RAB3C: variants seen among roughly 807,000 people sequenced by gnomAD.
RAB3C encodes ras-related protein Rab-3C.
RAB3C carries 17 observed loss-of-function variants against 26.4 expected under a neutral mutation model. That is an observed-to-expected ratio of 0.64 (90% CI 0.44 to 0.97). The LOEUF is 0.97. Ranked by LOEUF, RAB3C falls within the 50% of genes least tolerant of loss-of-function variation. The pLI is 0.00. For synonymous variants in RAB3C, 91 were observed against 95.9 expected, an observed-to-expected ratio of 0.95 and a Z score of 0.30; for missense variants, 242 against 281.9, an observed-to-expected ratio of 0.86 and a Z score of 1.01.
intron 1 of RAB3C, among the ~76,000 whole-genome samples, chr5:58,616,806 C>A (rs980118465): frequency 6.6e-5 from 10 of 152,108 alleles, no homozygotes; most frequent in African/African-American, 1.9e-4. Context: ...TCCTTTGATG[C>A]ATTTCACAAT....
At chr5:58,739,017 G>C (rs954489323) in intron 3 of RAB3C, among the ~76,000 whole-genome samples, 2 of 152,156 alleles carry the variant, frequency 1.3e-5, no homozygotes, top group Admixed American at 6.5e-5. Flanking sequence ...ATATTCAGCT[G>C]GGTTTTGGTG....
chr5:58,612,536 A>G (rs6859719), intron 1 of RAB3C, among the ~76,000 whole-genome samples: 6,308 of 95,772 alleles, frequency 0.066, 439 homozygotes, highest in African/African-American at 0.2. Flanking sequence ...ATATATATAT[A>G]TATATATATA....
chr5:58,655,998 C>T (rs1561280238), intron 2 of RAB3C, among the ~76,000 whole-genome samples: 1 of 151,858 alleles, frequency 6.6e-6, no homozygotes, highest in Admixed American at 6.6e-5. Context: ...GGGGTTTCAC[C>T]GTGGTCTCGA....
intron 2 of RAB3C, among the ~76,000 whole-genome samples, chr5:58,690,835 T>G (rs1748556654): frequency 6.6e-6 from 1 of 152,196 alleles, no homozygotes; most frequent in Non-Finnish European, 1.5e-5. Context: ...CATTAATATT[T>G]CTTATTACTA....
intron 3 of RAB3C, among the ~76,000 whole-genome samples, chr5:58,802,807 A>G (rs1742840540): frequency 6.6e-6 from 1 of 152,236 alleles, no homozygotes; most frequent in Admixed American, 6.5e-5. Context: ...ATGACACAAG[A>G]CATTGCCTTC....
chr5:58,793,581 C>CTTTT (rs55954473), intron 3 of RAB3C, among the ~76,000 whole-genome samples: 1,655 of 138,262 alleles, frequency 0.012, 40 homozygotes, highest in African/African-American at 0.04. Context: ...CATTTTGCCA[C>CTTTT]TTTTTTTTTT....
intron 2 of RAB3C, among the ~76,000 whole-genome samples, chr5:58,692,836 G>C (rs1484577168): frequency 6.6e-6 from 1 of 151,964 alleles, no homozygotes; most frequent in Non-Finnish European, 1.5e-5. Context: ...GGCTGGGCAC[G>C]GTGGCTCACA....
At position 58,851,340 on chromosome 5, in the gene RAB3C, T is replaced by G; in HGVS notation, c.673T>G (p.Cys225Gly). 1 of 1,600,886 alleles carries G rather than the reference T, an allele frequency of 6.2e-7. No homozygotes were observed. The highest frequency in any genetic ancestry group is 8.5e-7 in the Non-Finnish European group (1 of 1,175,246). The change falls in exon 5 of 5, where the codon TGT becomes GGT. Residue 225 changes from cysteine to glycine, a missense_variant. Coordinates refer to ENST00000282878, the MANE Select transcript of RAB3C (RefSeq NM_138453.4). The part of the protein sequence containing the change: ...KETPPPPQPN[C>G]AC The stretch of plus-strand genomic sequence containing the variant: ...AACTCCTCCTCCACCGCAGCCCAAC[T>G]GTGCCTGCTAGTGTCCCCGTGCACA...
At chr5:58,830,649 T>C (rs1561145169) in intron 4 of RAB3C, among the ~76,000 whole-genome samples, 1 of 152,172 alleles carries the variant, frequency 6.6e-6, no homozygotes, top group Non-Finnish European at 1.5e-5. Flanking sequence ...CCCTTGTCTC[T>C]CACTGCCAAC....
At chr5:58,755,924 T>C (rs1423900116) in intron 3 of RAB3C, among the ~76,000 whole-genome samples, 2 of 152,234 alleles carry the variant, frequency 1.3e-5, no homozygotes, top group Non-Finnish European at 2.9e-5. Context: ...AGATGAAATA[T>C]TAAAACTCAT....
chr5:58,596,842 T>C (rs1255693635), intron 1 of RAB3C, among the ~76,000 whole-genome samples: 1 of 89,472 alleles, frequency 1.1e-5, no homozygotes, highest in African/African-American at 4.5e-5. Flanking sequence ...AAATTTATAA[T>C]ATATAATACA....
intron 1 of RAB3C, among the ~76,000 whole-genome samples, chr5:58,589,835 C>T (rs1350937830): frequency 6.6e-6 from 1 of 152,158 alleles, no homozygotes; most frequent in African/African-American, 2.4e-5. Context: ...AGAACTTTCT[C>T]TCATTGAATT....
intron 1 of RAB3C, among the ~76,000 whole-genome samples, chr5:58,616,700 T>C (rs1190366969): frequency 1.3e-5 from 2 of 152,208 alleles, no homozygotes; most frequent in South Asian, 2.1e-4. Context: ...CCATTTCATC[T>C]AAGGCAGGAA....
At chr5:58,674,896 T>G (rs1748192502) in intron 2 of RAB3C, among the ~76,000 whole-genome samples, 1 of 151,832 alleles carries the variant, frequency 6.6e-6, no homozygotes, top group Non-Finnish European at 1.5e-5. Flanking sequence ...GAAGTCTAAC[T>G]CAATCCTGAG....
At chr5:58,669,301 G>T (rs1274365749) in intron 2 of RAB3C, among the ~76,000 whole-genome samples, 1 of 152,026 alleles carries the variant, frequency 6.6e-6, no homozygotes, top group Non-Finnish European at 1.5e-5. Context: ...GTCACATATG[G>T]TATCATTTCC....
intron 3 of RAB3C, among the ~76,000 whole-genome samples, chr5:58,802,295 C>T (rs1484485567): frequency 3.9e-5 from 6 of 152,100 alleles, no homozygotes; most frequent in African/African-American, 7.2e-5. Context: ...GGCTAATGGG[C>T]GAGCACACAT....
At position 58,854,141 on chromosome 5, in the gene RAB3C, C is replaced by CTA. The variant is rs1744180677; in HGVS notation, c.*2791_*2792dup. ...CAGGTCATTTTTATCAATGGCCTAACTAAATTTATATTTAAAAGAACAAGA... is the reference window on the plus strand; with the variant it reads ...CAGGTCATTTTTATCAATGGCCTAACTATAAATTTATATTTAAAAGAACAAGA... On this transcript the variant is annotated 3_prime_UTR_variant, in exon 5 of 5. Transcript: ENST00000282878. 6.6e-6 allele frequency: 1 copy of CTA among 151,404 alleles called. No individual in the cohort carries two copies. The highest frequency in any genetic ancestry group is 1.5e-5 in the Non-Finnish European group (1 of 67,954). The allele number at this position is 151,404 out of a possible 1,614,324, so 9.4% of individuals were successfully genotyped here.
In RAB3C at chr5:58,583,575, C is replaced by G. The variant is rs552032867; in HGVS notation, c.24+343C>G. 2.3e-4 allele frequency among the ~76,000 whole-genome samples: 35 copies of G among 152,268 alleles called. 1 individual carries two copies. In the South Asian group the frequency reaches 4.6e-3, roughly 20 times the overall value. ...TCTCTTGGCATCCGGGGTTTGAGATCGCGGTGAAAACTCACGGATTTAAGG... is the reference window on the plus strand; with the variant it reads ...TCTCTTGGCATCCGGGGTTTGAGATGGCGGTGAAAACTCACGGATTTAAGG... On this transcript the variant is annotated intron_variant, in intron 1 of 4. Transcript: ENST00000282878.
intron 3 of RAB3C, among the ~76,000 whole-genome samples, chr5:58,807,317 T>C (rs1381660731): frequency 6.6e-6 from 1 of 152,186 alleles, no homozygotes; most frequent in Non-Finnish European, 1.5e-5. Flanking sequence ...CCAGAGTTTT[T>C]CCCATCATAA....
Sources: allele counts gnomAD v4.1 joint callset (sites outside exome capture counted in the v4.1 genomes callset), GRCh38; gene constraint gnomAD v4.1.1; transcripts MANE v1.5; gene names NCBI Gene and HGNC (gene_info 2026-07-23, HGNC 2026-07-21).